The following LCORL variants were observed in gnomAD, a reference collection of about 807,000 sequenced individuals.
The protein encoded by LCORL is ligand-dependent nuclear receptor corepressor-like protein.
A neutral mutation model predicts 141.8 loss-of-function variants in LCORL; 41 were observed. That is an observed-to-expected ratio of 0.29 (90% CI 0.23 to 0.38). The LOEUF is 0.38. LCORL is among the 10% of genes least tolerant of loss of function. The probability of loss-of-function intolerance (pLI) is 1.00; values close to 1 mark genes in which losing one functional copy is unlikely to be tolerated. For synonymous variants in LCORL, 618 were observed against 694.1 expected (o/e 0.89, Z 1.72); for missense variants, 1,759 against 2,035.0 (o/e 0.86, Z 2.61).
At chr4:17,905,799 AGAGT>A (rs1369755288) in intron 5 of LCORL, among the ~76,000 whole-genome samples, 1 of 152,272 alleles carries the variant, frequency 6.6e-6, no homozygotes, top group African/African-American at 2.4e-5. Context: ...AAAAAATTAC[AGAGT>A]GAGAATAATA....
intron 4 of LCORL, among the ~76,000 whole-genome samples, chr4:17,920,967 C>T (rs1253127895): frequency 6.6e-6 from 1 of 152,166 alleles, no homozygotes; most frequent in African/African-American, 2.4e-5. Context: ...AAATCAACTT[C>T]TTCTGTTAAT....
intron 3 of LCORL, among the ~76,000 whole-genome samples, chr4:17,962,305 T>C (rs1296477004): frequency 1.3e-5 from 2 of 151,120 alleles, no homozygotes; most frequent in African/African-American, 4.9e-5. Context: ...AAATTCACTA[T>C]ATTGGCATGC....
chr4:17,874,903 G>A, exon 7 of LCORL: 2 of 1,233,756 alleles, frequency 1.6e-6, no homozygotes, highest in Non-Finnish European at 2.0e-6. Context: ...TGCAAATGCA[G>A]TTTATATGAT....
At chr4:17,997,817 T>C (rs1405744793) in intron 1 of LCORL, among the ~76,000 whole-genome samples, 1 of 152,104 alleles carries the variant, frequency 6.6e-6, no homozygotes, top group Non-Finnish European at 1.5e-5. Context: ...AAAACAAAGA[T>C]GAAAATTTTA....
At chr4:17,854,191 C>T (rs1724094998) in intron 7 of LCORL, among the ~76,000 whole-genome samples, 1 of 152,120 alleles carries the variant, frequency 6.6e-6, no homozygotes, top group Non-Finnish European at 1.5e-5. Context: ...GCTAAATGCA[C>T]ATTTCTTAAT....
intron 1 of LCORL, among the ~76,000 whole-genome samples, chr4:18,001,980 T>A (rs907051473): frequency 6.6e-6 from 1 of 152,194 alleles, no homozygotes; most frequent in Non-Finnish European, 1.5e-5. Flanking sequence ...CACACATATG[T>A]TTGTTTCTCT....
chr4:18,005,226 A>C (rs2109845172), intron 1 of LCORL, among the ~76,000 whole-genome samples: 1 of 152,268 alleles, frequency 6.6e-6, no homozygotes, highest in Admixed American at 6.5e-5. Flanking sequence ...GCTAGCAGTC[A>C]AATTTTGAAG....
intron 5 of LCORL, among the ~76,000 whole-genome samples, chr4:17,900,751 G>C (rs967142595): frequency 6.6e-6 from 1 of 152,080 alleles, no homozygotes. Flanking sequence ...CAGAAACAAA[G>C]AGATGGAAAA....
intron 4 of LCORL, chr4:17,960,364 A>G (rs529442227): frequency 3.2e-5 from 5 of 154,322 alleles, no homozygotes; most frequent in Non-Finnish European, 7.3e-5. Context: ...AATGGAGCAT[A>G]GGCTAACTCC....
chr4:18,010,305 AATTTT>A (rs1430013010), intron 1 of LCORL, among the ~76,000 whole-genome samples: 1 of 152,124 alleles, frequency 6.6e-6, no homozygotes, highest in East Asian at 1.9e-4. Context: ...AAACCCTACT[AATTTT>A]ATTTTGAGAG....
intron 5 of LCORL, among the ~76,000 whole-genome samples, chr4:17,906,757 GC>G (rs1247136097): frequency 6.7e-6 from 1 of 150,270 alleles, no homozygotes; most frequent in African/African-American, 2.5e-5. Flanking sequence ...CGCGATCTTG[GC>G]CCACTGCCAC....
rs6821551 is a variant in LCORL at position 17,862,818 on chromosome 4, A to C, written c.5602+10570T>G. 2.6e-3 allele frequency among the ~76,000 whole-genome samples: 400 copies of C among 152,178 alleles called. 2 individuals carry two copies. The highest frequency in any genetic ancestry group is 8.5e-3 in the African/African-American group (351 of 41,432). Reference sequence around the variant, plus strand: ...CCATTCTAGACACAGGCCCTGGCAAAGATGTCATGATGAAGATGCCAAAAG... The same window carrying C: ...CCATTCTAGACACAGGCCCTGGCAACGATGTCATGATGAAGATGCCAAAAG... On this transcript the variant is annotated intron_variant, in intron 7 of 7. Transcript: ENST00000635767.
exon 8 of LCORL, chr4:17,842,501 A>C: frequency 1.3e-6 from 1 of 774,592 alleles, no homozygotes; most frequent in Non-Finnish European, 2.2e-6. Context: ...AAAACTATAA[A>C]TAGCTGTCTT....
At chr4:17,879,812 A>G (rs145049857) in intron 6 of LCORL, among the ~76,000 whole-genome samples, 121 of 151,184 alleles carry the variant, frequency 8.0e-4, no homozygotes, top group African/African-American at 2.8e-3. Context: ...TAATAAAGAG[A>G]GAATTTACAT....
At chr4:17,945,456 T>C (rs1166319840) in intron 4 of LCORL, among the ~76,000 whole-genome samples, 1 of 151,586 alleles carries the variant, frequency 6.6e-6, no homozygotes, top group Non-Finnish European at 1.5e-5. Context: ...AACTAGAATA[T>C]ATGGAGTATA....
chr4:17,908,740 C>CA lies in LCORL; in HGVS notation c.682+353dup, dbSNP rs1262318095. On this transcript the variant is annotated intron_variant, in intron 5 of 7. Transcript: ENST00000635767. ...AATCTATTTTTTTCTCACTTAAATA[C>CA]AAAAAAAACGAACAAGCAAGTGCTT... Among the ~76,000 whole-genome samples the CA allele has an allele frequency of 3.0e-4, 46 of 151,414 alleles. 1 individual carries two copies. The South Asian group carries it at 3.1e-3, about 10-fold the overall frequency.
At chr4:17,955,944 G>A (rs939651139) in intron 4 of LCORL, among the ~76,000 whole-genome samples, 1 of 151,884 alleles carries the variant, frequency 6.6e-6, no homozygotes, top group Non-Finnish European at 1.5e-5. Context: ...GCAATGAGGT[G>A]AAAAAAGACT....
rs1293903586 is a variant in LCORL, at chr4:18,004,786, T to C, written c.154+16812A>G. Among the ~76,000 whole-genome samples the C allele has an allele frequency of 2.0e-5, 3 of 152,304 alleles. No homozygotes were observed. In the East Asian group the frequency reaches 5.8e-4, roughly 29 times the overall value. On this transcript the variant is annotated intron_variant, in intron 1 of 7. Coordinates refer to ENST00000635767, the Ensembl canonical transcript of LCORL. ...GGCAAGTCCCTTCTGCCTATGAACC[T>C]GTAAAATCAAAAGCAAGTTAGCAGA...
intron 6 of LCORL, chr4:17,883,098 T>G: frequency 1.0e-6 from 1 of 969,130 alleles, no homozygotes; most frequent in South Asian, 4.8e-5. Context: ...TGATAAATAT[T>G]AAATTTCATT....
Sources: gnomAD v4.1 joint callset for allele counts (sites outside exome capture counted in the v4.1 genomes callset) on GRCh38, gnomAD v4.1.1 for gene constraint, MANE v1.5 for transcripts, NCBI Gene and HGNC (gene_info 2026-07-23, HGNC 2026-07-21) for gene names.